ASAP2: variants seen among roughly 807,000 people sequenced by gnomAD.
ASAP2 encodes the protein arf-GAP with SH3 domain, ANK repeat and PH domain-containing protein 2.
A neutral mutation model predicts 131.4 loss-of-function variants in ASAP2; 45 were observed. That is an observed-to-expected ratio of 0.34 (90% confidence interval 0.27 to 0.44). ASAP2 has a LOEUF of 0.44. Ranked by LOEUF, ASAP2 falls within the 20% of genes least tolerant of loss-of-function variation. ASAP2 has a pLI of 1.00. For missense variants in ASAP2, 1,011 were observed against 1,297.0 expected (o/e 0.78, Z 3.39); for synonymous variants, 510 against 503.0 (o/e 1.01, Z -0.19).
chr2:9,266,631 C>T (rs1428989917), intron 1 of ASAP2, among the ~76,000 whole-genome samples: 2 of 152,068 alleles, frequency 1.3e-5, no homozygotes, highest in Non-Finnish European at 2.9e-5. Context: ...GCCACCACCC[C>T]GTTCTAGTCA....
chr2:9,310,200 G>A (rs1047591721), intron 3 of ASAP2, among the ~76,000 whole-genome samples: 7 of 152,182 alleles, frequency 4.6e-5, no homozygotes, highest in African/African-American at 1.7e-4. Flanking sequence ...TGACTGAGCA[G>A]CATTTGCTCG....
chr2:9,279,463 A>G (rs1305707933), intron 2 of ASAP2, 74 bp downstream of exon 2: 11 of 1,398,012 alleles, frequency 7.9e-6, no homozygotes, highest in Non-Finnish European at 4.1e-6. Flanking sequence ...CGTAATATTG[A>G]TGACCATTAA....
chr2:9,220,272 A>C (rs1183437962), intron 1 of ASAP2, among the ~76,000 whole-genome samples: 1 of 152,250 alleles, frequency 6.6e-6, no homozygotes, highest in Admixed American at 6.5e-5. Flanking sequence ...AACTTTTTAA[A>C]GTCAGTTTAA....
At chr2:9,258,379 T>C (rs1665327296) in intron 1 of ASAP2, among the ~76,000 whole-genome samples, 1 of 150,584 alleles carries the variant, frequency 6.6e-6, no homozygotes, top group Non-Finnish European at 1.5e-5. Context: ...GAGTCTTACT[T>C]TCCTTTAAAA....
intron 2 of ASAP2, among the ~76,000 whole-genome samples, chr2:9,286,280 C>A (rs1286230283): frequency 1.3e-5 from 2 of 151,968 alleles, no homozygotes; most frequent in Non-Finnish European, 2.9e-5. Context: ...TGCCTGTAGT[C>A]CCAGCTGTTT....
At chr2:9,300,857 A>C (rs538091090) in intron 3 of ASAP2, among the ~76,000 whole-genome samples, 1 of 152,328 alleles carries the variant, frequency 6.6e-6, no homozygotes, top group African/African-American at 2.4e-5. Context: ...TTCAACTTGC[A>C]CTTTATGGAA....
intron 1 of ASAP2, among the ~76,000 whole-genome samples, chr2:9,242,460 A>G (rs1664041085): frequency 6.6e-6 from 1 of 152,240 alleles, no homozygotes. Flanking sequence ...AAACTGTGAT[A>G]GACCCAGTAC....
intron 1 of ASAP2, among the ~76,000 whole-genome samples, chr2:9,241,066 C>A (rs1335465204): frequency 6.6e-6 from 1 of 152,136 alleles, no homozygotes; most frequent in East Asian, 1.9e-4. Flanking sequence ...TATTTCTGGA[C>A]TTTTCTGTGG....
chr2:9,312,756 C>G (rs1669385641), intron 3 of ASAP2, among the ~76,000 whole-genome samples: 1 of 152,196 alleles, frequency 6.6e-6, no homozygotes, highest in Non-Finnish European at 1.5e-5. Context: ...GAGGTCCTCA[C>G]TAGCTTGTTT....
chr2:9,307,427 T>G (rs1054750240), intron 3 of ASAP2, among the ~76,000 whole-genome samples: 1 of 152,184 alleles, frequency 6.6e-6, no homozygotes, highest in Non-Finnish European at 1.5e-5. Flanking sequence ...AGGTAATACA[T>G]TTGAAAAAGT....
rs374330784 is a variant in ASAP2, at chr2:9,388,319, G to A, written c.2156G>A (p.Arg719Gln). The A allele has an allele frequency of 1.7e-5, 27 of 1,613,894 alleles. No individual in the cohort carries two copies. Among genetic ancestry groups the A allele is most frequent in the African/African-American group, 5.3e-5 (4 of 74,896 alleles). Residue 719 changes from arginine (R) to glutamine (Q), a missense_variant, in exon 22 of 28, where the codon CGG becomes CAG. Physicochemically the swap from Arg to Gln is conservative, Grantham distance 43 (BLOSUM62 1). Coordinates refer to ENST00000281419, the MANE Select transcript of ASAP2 (RefSeq NM_003887.3). ...CCCAGTCCCAACCGGCGGGAAGACC[G>A]GCCCATCAGCTTCTACCAGCTGGGC... ...LQPSPNRREDRPISFYQLGSN... is the reference protein window; with the variant it reads ...LQPSPNRREDQPISFYQLGSN...
At chr2:9,382,450 T>A (rs562973178) in intron 20 of ASAP2, among the ~76,000 whole-genome samples, 1 of 152,352 alleles carries the variant, frequency 6.6e-6, no homozygotes, top group Admixed American at 6.5e-5. Flanking sequence ...ACACCCATAG[T>A]GTGTAACGAA....
intron 11 of ASAP2, among the ~76,000 whole-genome samples, chr2:9,346,319 G>A (rs955021564): frequency 6.6e-5 from 10 of 152,016 alleles, no homozygotes; most frequent in Non-Finnish European, 1.5e-4. Flanking sequence ...CCAGCAACTT[G>A]GGAGGAGAGA....
At position 9,382,069 on chromosome 2, in the gene ASAP2, C is replaced by T. The variant is rs1193803703; in HGVS notation, c.2016+1261C>T. ...CATGATCTCTGTTCACTGCAACCTC[C>T]GCCTCCCAGGTTTAAGCAATTCTTC... On this transcript the variant is annotated intron_variant, in intron 20 of 27. Coordinates refer to ENST00000281419, the MANE Select transcript of ASAP2 (RefSeq NM_003887.3). Among the ~76,000 whole-genome samples the T allele has an allele frequency of 6.6e-5, 10 of 151,086 alleles. No homozygotes were observed. In the South Asian group the frequency reaches 1.3e-3, roughly 19 times the overall value.
At chr2:9,390,697 G>A (rs1047812780) in intron 22 of ASAP2, among the ~76,000 whole-genome samples, 1 of 152,134 alleles carries the variant, frequency 6.6e-6, no homozygotes, top group Non-Finnish European at 1.5e-5. Flanking sequence ...TCGGTGGGAG[G>A]GTGGAGAGGA....
chr2:9,299,364 G>A (rs1668347412), intron 3 of ASAP2, among the ~76,000 whole-genome samples: 2 of 152,164 alleles, frequency 1.3e-5, no homozygotes, highest in Admixed American at 6.5e-5. Flanking sequence ...CATTAAAATC[G>A]TGAGGAAACT....
chr2:9,332,417 G>A (rs934042887), intron 7 of ASAP2, among the ~76,000 whole-genome samples: 7 of 152,176 alleles, frequency 4.6e-5, no homozygotes, highest in Non-Finnish European at 1.0e-4. Context: ...AAAAATCAGA[G>A]GGAGGAGATT....
intron 16 of ASAP2, among the ~76,000 whole-genome samples, chr2:9,369,464 G>A (rs1269159502): frequency 1.3e-5 from 2 of 152,272 alleles, no homozygotes; most frequent in Admixed American, 6.5e-5. Flanking sequence ...GTGGGTGTCC[G>A]GCTCGCCTTA....
chr2:9,348,759 T>C (rs1672141430), intron 11 of ASAP2, among the ~76,000 whole-genome samples: 1 of 152,200 alleles, frequency 6.6e-6, no homozygotes, highest in Non-Finnish European at 1.5e-5. Flanking sequence ...TCTTTGATAG[T>C]AGTTAAGAAC....
Sources: gnomAD v4.1 joint callset for allele counts (sites outside exome capture counted in the v4.1 genomes callset) on GRCh38, gnomAD v4.1.1 for gene constraint, MANE v1.5 for transcripts, NCBI Gene and HGNC (gene_info 2026-07-23, HGNC 2026-07-21) for gene names.